The following TMEM263 variants were observed in gnomAD, a reference collection of about 807,000 sequenced individuals.
TMEM263 encodes UPF0444 transmembrane protein C12orf23.
In TMEM263, 5 loss-of-function variants were observed where a neutral mutation model predicts 8.6. The observed-to-expected ratio is 0.58, with a 90% CI of 0.31 to 1.23. The LOEUF is 1.23. Among genes scored for constraint, TMEM263 ranks in the 50% most tolerant of loss-of-function variants. TMEM263 has a pLI of 0.07. For missense variants in TMEM263, 104 were observed against 138.8 expected (o/e 0.75, Z 1.26); for synonymous variants, 50 against 47.9 (o/e 1.04, Z -0.18).
intron 2 of TMEM263, among the ~76,000 whole-genome samples, chr12:106,963,483 T>C (rs1255464823): frequency 6.6e-6 from 1 of 152,216 alleles, no homozygotes. Flanking sequence ...AAGGTGACCC[T>C]GGCATTTTGT....
chr12:106,964,053 A>G (rs1383723391), intron 2 of TMEM263, among the ~76,000 whole-genome samples: 1 of 152,130 alleles, frequency 6.6e-6, no homozygotes, highest in African/African-American at 2.4e-5. Context: ...GTCTATGTGT[A>G]TGGTATTAAT....
Position 106,955,941 on chromosome 12 carries a change from T to C in TMEM263, c.-199T>C, listed in dbSNP as rs910399121. On this transcript the variant is annotated 5_prime_UTR_variant, in exon 1 of 4. Coordinates refer to ENST00000280756, the MANE Select transcript of TMEM263 (RefSeq NM_152261.4). Reference sequence around the variant, plus strand: ...CAGCTCCACATCCTGAGAGGACGCCTCTGGAGCCGCGACTGCCCGGGGTTG... The same window carrying C: ...CAGCTCCACATCCTGAGAGGACGCCCCTGGAGCCGCGACTGCCCGGGGTTG... 19 of 985,962 alleles carry C rather than the reference T, an allele frequency of 1.9e-5. No homozygotes were observed. The South Asian group carries it at 4.7e-4, about 24-fold the overall frequency. The allele number at this position is 985,962 out of a possible 1,614,324, so 61.1% of individuals were successfully genotyped here.
At chr12:106,958,429 C>T (rs1373549683) in intron 2 of TMEM263, among the ~76,000 whole-genome samples, 6 of 152,110 alleles carry the variant, frequency 3.9e-5, no homozygotes, top group Admixed American at 3.9e-4. Flanking sequence ...GAATAAATTA[C>T]CCTTTAGGGA....
chr12:106,958,208 G>A (rs993376102), intron 2 of TMEM263, among the ~76,000 whole-genome samples: 1 of 152,132 alleles, frequency 6.6e-6, no homozygotes, highest in Non-Finnish European at 1.5e-5. Context: ...GTATTTTGTA[G>A]TTAAGCTTTA....
At chr12:106,958,317 A>G (rs945529053) in intron 2 of TMEM263, among the ~76,000 whole-genome samples, 1 of 152,192 alleles carries the variant, frequency 6.6e-6, no homozygotes, top group South Asian at 2.1e-4. Context: ...ATTATGAATA[A>G]AAATTTTATA....
chr12:106,960,042 C>CTT (rs371635955), intron 2 of TMEM263, among the ~76,000 whole-genome samples: 1 of 149,218 alleles, frequency 6.7e-6, no homozygotes, highest in Non-Finnish European at 1.5e-5. Context: ...CAAAACTAAT[C>CTT]TTTTTTTTTT....
intron 2 of TMEM263, among the ~76,000 whole-genome samples, 189 bp downstream of exon 2, chr12:106,957,338 A>AAACCAAG (rs1316295629): frequency 2.0e-5 from 3 of 152,252 alleles, no homozygotes. Context: ...GTTAGAACAG[A>AAACCAAG]TGTACCAGAA....
At position 106,971,096 on chromosome 12, in the gene TMEM263, T is replaced by C. The variant is rs760465339; in HGVS notation, c.65-9T>C. On this transcript the variant is annotated splice_polypyrimidine_tract_variant and intron_variant, in intron 3 of 3. Transcript: ENST00000280756. Reference sequence around the variant, plus strand: ...TATTTGATTGTCTCATGATATTTTCTCTCATTAGGTTCAATGAAAGATCAC... The same window carrying C: ...TATTTGATTGTCTCATGATATTTTCCCTCATTAGGTTCAATGAAAGATCAC... 3 of 1,612,738 alleles carry C rather than the reference T, an allele frequency of 1.9e-6. No individual in the cohort carries two copies. In the African/African-American group the frequency reaches 4.0e-5, roughly 22 times the overall value.
intron 2 of TMEM263, among the ~76,000 whole-genome samples, chr12:106,964,066 A>G (rs1425888547): frequency 1.3e-5 from 2 of 152,194 alleles, no homozygotes; most frequent in Non-Finnish European, 2.9e-5. Context: ...GTATTAATAT[A>G]TAGTACTGAG....
chr12:106,970,632 A>G (rs28716736), intron 3 of TMEM263, among the ~76,000 whole-genome samples: 26,741 of 152,118 alleles, frequency 0.18, 3,959 homozygotes, highest in African/African-American at 0.39. Context: ...ACCCCCTGAA[A>G]TGGTCTTCGG....
intron 2 of TMEM263, among the ~76,000 whole-genome samples, chr12:106,966,780 G>A (rs546979798): frequency 1.3e-5 from 2 of 152,144 alleles, no homozygotes; most frequent in Non-Finnish European, 2.9e-5. Context: ...ATTTTTGTCG[G>A]CTAACCCCCA....
rs1433453960 is a variant in TMEM263, at chr12:106,971,728, A to G, written c.*337A>G. On this transcript the variant is annotated 3_prime_UTR_variant, in exon 4 of 4. Coordinates refer to ENST00000280756, the MANE Select transcript of TMEM263 (RefSeq NM_152261.4). ...TAGTAGATGATCTTCACAGTTCCAT[A>G]TGTATAATGTGCCAGGTAACTCACC... 4 of 188,280 alleles carry G rather than the reference A, an allele frequency of 2.1e-5. No homozygotes were observed. Among genetic ancestry groups the G allele is most frequent in the African/African-American group, 7.0e-5 (3 of 42,674 alleles). 11.7% of individuals were successfully genotyped at this position (188,280 alleles called of 1,614,324 possible). A position where few individuals can be genotyped will look rare whatever the true frequency, so the allele number is the denominator to read the frequency against.
In TMEM263 at chr12:106,968,375, C is replaced by CAA. The variant is rs5800722; in HGVS notation, c.64+1208_64+1209dup. Among the ~76,000 whole-genome samples the CAA allele has an allele frequency of 3.7e-3, 471 of 128,876 alleles. 6 individuals are homozygous for CAA. Among genetic ancestry groups the CAA allele is most frequent in the African/African-American group, 0.01 (347 of 33,066 alleles). 84.5% of individuals were successfully genotyped at this position (128,876 alleles called of 152,430 possible). On this transcript the variant is annotated intron_variant, in intron 3 of 3. Transcript: ENST00000280756. The stretch of plus-strand genomic sequence containing the variant: ...TGGGCGACAGAGTGAGACTCCGTCT[C>CAA]AAAAAAAAAAAAAAGAACTAGCTGA...
chr12:106,961,085 C>T (rs926111994), intron 2 of TMEM263, among the ~76,000 whole-genome samples: 2 of 152,078 alleles, frequency 1.3e-5, no homozygotes, highest in South Asian at 2.1e-4. Flanking sequence ...GACAGGGTCT[C>T]GCTCTATGGC....
intron 2 of TMEM263, among the ~76,000 whole-genome samples, chr12:106,965,799 A>C (rs911744913): frequency 2.6e-5 from 4 of 151,398 alleles, no homozygotes; most frequent in African/African-American, 9.7e-5. Flanking sequence ...TGATATATAC[A>C]TATATATATA....
chr12:106,971,669 C>G lies in TMEM263; in HGVS notation c.*278C>G. On this transcript the variant is annotated 3_prime_UTR_variant, in exon 4 of 4. Coordinates refer to ENST00000280756, the MANE Select transcript of TMEM263 (RefSeq NM_152261.4). ...GTATGTTTGAATATTTACTATAAGT[C>G]TTTCAGTTTGACTAAAAATGTGAAA... is the stretch of plus-strand genomic sequence containing the variant. 3.4e-6 allele frequency: 1 copy of G among 290,098 alleles called. No individual in the cohort carries two copies. The allele number at this position is 290,098 out of a possible 1,614,324, so 18.0% of individuals were successfully genotyped here. A position where few individuals can be genotyped will look rare whatever the true frequency, so the allele number is the denominator to read the frequency against.
chr12:106,963,632 A>C (rs1331645257), intron 2 of TMEM263, among the ~76,000 whole-genome samples: 1 of 152,198 alleles, frequency 6.6e-6, no homozygotes, highest in Non-Finnish European at 1.5e-5. Context: ...TTAGCGTCTT[A>C]AGGCACAGAT....
Position 106,971,376 on chromosome 12 carries a change from A to G in TMEM263, c.336A>G (p.Lys112=), listed in dbSNP as rs1209515838. 1 of 1,607,796 alleles carries G rather than the reference A, an allele frequency of 6.2e-7. No individual in the cohort carries two copies. Among genetic ancestry groups the G allele is most frequent in the Admixed American group, 1.7e-5 (1 of 59,486 alleles). Residue 112 remains lysine, a synonymous_variant, in exon 4 of 4, where the codon AAA becomes AAG. Transcript: ENST00000280756. The part of the protein sequence containing the change: ...VNKVPLTGKK[K]DKSD ...AAGTGCCCTTAACAGGAAAGAAGAA[A>G]GACAAATCTGACTGAAATATAGAGA...
chr12:106,958,574 T>C (rs1395116923), intron 2 of TMEM263, among the ~76,000 whole-genome samples: 1 of 152,236 alleles, frequency 6.6e-6, no homozygotes, highest in Non-Finnish European at 1.5e-5. Context: ...AGTCGTGATA[T>C]ACAGTCTACA....
Sources: allele counts gnomAD v4.1 joint callset (sites outside exome capture counted in the v4.1 genomes callset), GRCh38; gene constraint gnomAD v4.1.1; transcripts MANE v1.5; gene names NCBI Gene and HGNC (gene_info 2026-07-23, HGNC 2026-07-21).